Variants in PTPRN2 observed in about 807,000 individuals in gnomAD.
PTPRN2 encodes receptor-type tyrosine-protein phosphatase N2.
Under a neutral mutation model 118.8 loss-of-function variants are expected in PTPRN2, and 74 were observed. The ratio of observed to expected loss-of-function variants is 0.62; its 90% CI spans 0.52 to 0.76. The LOEUF (loss-of-function observed/expected upper bound fraction) is 0.76. Among genes scored for constraint, PTPRN2 ranks in the 30% least tolerant of loss-of-function variants. The probability of loss-of-function intolerance (pLI) is 0.00; values close to 1 mark genes in which losing one functional copy is unlikely to be tolerated. For missense variants in PTPRN2, 1,481 were observed against 1,394.4 expected, an observed-to-expected ratio of 1.06 and a Z score of -0.99; for synonymous variants, 641 against 608.0, an observed-to-expected ratio of 1.05 and a Z score of -0.80.
At chr7:158,550,163 T>C (rs73729702) in intron 1 of PTPRN2, among the ~76,000 whole-genome samples, 7,260 of 152,198 alleles carry the variant, frequency 0.048, 557 homozygotes, top group African/African-American at 0.16. Flanking sequence ...GGGTGGAGAT[T>C]GACTCCTCGA....
chr7:157,748,415 T>G (rs1387992979), intron 12 of PTPRN2, among the ~76,000 whole-genome samples: 359 of 47,294 alleles, frequency 7.6e-3, no homozygotes, highest in Middle Eastern at 0.016. Flanking sequence ...GCTGCGGGGT[T>G]TCTCGGTAAT....
chr7:157,805,867 C>T (rs1182150580), intron 12 of PTPRN2, among the ~76,000 whole-genome samples: 3 of 152,302 alleles, frequency 2.0e-5, no homozygotes, highest in South Asian at 2.1e-4. Context: ...AGGAGGGACC[C>T]GAGTGCTTGG....
intron 2 of PTPRN2, among the ~76,000 whole-genome samples, chr7:158,386,737 C>CA (rs1157432585): frequency 6.6e-6 from 1 of 152,222 alleles, no homozygotes; most frequent in African/African-American, 2.4e-5. Flanking sequence ...GTTCAGGCAA[C>CA]AAAAAACAGA....
At chr7:157,575,361 G>A (rs182532314) in intron 19 of PTPRN2, among the ~76,000 whole-genome samples, 17 of 152,304 alleles carry the variant, frequency 1.1e-4, no homozygotes, top group Admixed American at 3.3e-4. Flanking sequence ...GGAAGGAGCC[G>A]TGTACAGTAG....
chr7:158,387,537 G>T (rs943652551), intron 2 of PTPRN2, among the ~76,000 whole-genome samples: 1 of 152,300 alleles, frequency 6.6e-6, no homozygotes, highest in Non-Finnish European at 1.5e-5. Flanking sequence ...GGGTCCTGGG[G>T]GGACTGGACT....
chr7:157,971,841 C>A (rs1802357783), intron 11 of PTPRN2, among the ~76,000 whole-genome samples: 1 of 152,150 alleles, frequency 6.6e-6, no homozygotes, highest in Non-Finnish European at 1.5e-5. Flanking sequence ...ACTGAGAAAC[C>A]TTCTTCTGTA....
chr7:157,955,860 T>C (rs1801153356), intron 11 of PTPRN2, among the ~76,000 whole-genome samples: 1 of 152,160 alleles, frequency 6.6e-6, no homozygotes. Flanking sequence ...GAGTCTCAAA[T>C]AGTGCATCTG....
chr7:158,547,528 C>T (rs1170876525), intron 1 of PTPRN2, among the ~76,000 whole-genome samples: 5 of 152,190 alleles, frequency 3.3e-5, no homozygotes, highest in South Asian at 2.1e-4. Flanking sequence ...GTTCTCAAGG[C>T]GCACCCATGC....
Position 158,329,095 on chromosome 7 carries a change from G to A in PTPRN2, c.164-12163C>T, listed in dbSNP as rs75599404. ...TGAGGCCTGGGATGGCAAATCCAGCGGCGCACAGCCCACTGCACCGAGGGA... is the reference window on the plus strand; with the variant it reads ...TGAGGCCTGGGATGGCAAATCCAGCAGCGCACAGCCCACTGCACCGAGGGA... On this transcript the variant is annotated intron_variant, in intron 2 of 22. Coordinates refer to ENST00000389418, the MANE Select transcript of PTPRN2 (RefSeq NM_002847.5). 3.3e-3 allele frequency among the ~76,000 whole-genome samples: 507 copies of A among 152,270 alleles called. 5 individuals are homozygous for A. The highest frequency in any genetic ancestry group is 0.01 in the African/African-American group (428 of 41,536).
rs1826942198 is a variant in PTPRN2 at position 158,555,788 on chromosome 7, G to A, written c.112+31770C>T. ...CTGCCTAGCAGGCCATCTACATGGG[G>A]CAGACCACAGAGACAGGCTCCAGCA... On this transcript the variant is annotated intron_variant, in intron 1 of 22. Transcript: ENST00000389418. The surrounding 1 kb of genome is among the most constrained non-coding windows in gnomAD (Gnocchi z 4.7). Among the ~76,000 whole-genome samples the A allele has an allele frequency of 6.6e-6, 1 of 152,118 alleles. No homozygotes were observed.
At chr7:157,750,820 C>T in intron 12 of PTPRN2, among the ~76,000 whole-genome samples, 1 of 152,230 alleles carries the variant, frequency 6.6e-6, no homozygotes, top group Admixed American at 6.5e-5. Context: ...GTAAAGCCCG[C>T]CTGAGATGGC....
chr7:157,661,275 A>G (rs929427030), intron 13 of PTPRN2, among the ~76,000 whole-genome samples: 1 of 152,280 alleles, frequency 6.6e-6, no homozygotes, highest in Admixed American at 6.5e-5. Context: ...ATAAAGATCC[A>G]AGAAAAATGT....
In PTPRN2 at chr7:157,874,404, C is replaced by T. The variant is rs1584926720; in HGVS notation, c.1788+24269G>A. Among the ~76,000 whole-genome samples the T allele has an allele frequency of 6.6e-6, 1 of 152,310 alleles. No homozygotes were observed. Among genetic ancestry groups the T allele is most frequent in the East Asian group, 1.9e-4 (1 of 5,182 alleles). On this transcript the variant is annotated intron_variant, in intron 12 of 22. Coordinates refer to ENST00000389418, the MANE Select transcript of PTPRN2 (RefSeq NM_002847.5). The surrounding 1 kb of genome is among the most constrained non-coding windows in gnomAD (Gnocchi z 5.8). The stretch of plus-strand genomic sequence containing the variant: ...GCTCCTGCTTTCTGCCCCCTCCTGT[C>T]CCCTCTCTCCTGCCCTGCCCCGATC...
intron 5 of PTPRN2, among the ~76,000 whole-genome samples, chr7:158,189,271 C>T (rs182584664): frequency 2.8e-4 from 42 of 152,352 alleles, no homozygotes; most frequent in African/African-American, 8.2e-4. Flanking sequence ...ATCCATGCTG[C>T]GCCTTGTCCC....
chr7:158,416,275 A>C (rs1232497669), intron 2 of PTPRN2, among the ~76,000 whole-genome samples: 1 of 152,236 alleles, frequency 6.6e-6, no homozygotes, highest in Non-Finnish European at 1.5e-5. Flanking sequence ...ATCTGATTGC[A>C]TCCGACTGTC....
intron 12 of PTPRN2, among the ~76,000 whole-genome samples, chr7:157,790,926 A>G (rs1474443378): frequency 2.6e-5 from 4 of 152,246 alleles, no homozygotes; most frequent in African/African-American, 9.6e-5. Context: ...ATCAAAAGTT[A>G]ACACCATCAC....
chr7:157,891,797 C>T (rs915211024), intron 12 of PTPRN2, among the ~76,000 whole-genome samples: 16 of 152,172 alleles, frequency 1.1e-4, no homozygotes, highest in African/African-American at 3.9e-4. Flanking sequence ...GATTCACACC[C>T]AACTGCCTTG....
At chr7:158,501,729 C>G (rs1822376254) in intron 1 of PTPRN2, among the ~76,000 whole-genome samples, 1 of 152,182 alleles carries the variant, frequency 6.6e-6, no homozygotes, top group Non-Finnish European at 1.5e-5. Flanking sequence ...GAAAAGTCAC[C>G]AAGGAGGCCA....
At chr7:157,824,037 CAT>C (rs1366606028) in intron 12 of PTPRN2, among the ~76,000 whole-genome samples, 3 of 152,324 alleles carry the variant, frequency 2.0e-5, no homozygotes, top group Non-Finnish European at 4.4e-5. Context: ...TTCAAGCCCT[CAT>C]AGAGAACTGA....
Sources: gnomAD v4.1 joint callset for allele counts (sites outside exome capture counted in the v4.1 genomes callset) on GRCh38, gnomAD v4.1.1 for gene constraint, Gnocchi (gnomAD v3.1) non-coding constraint, MANE v1.5 for transcripts, NCBI Gene and HGNC (gene_info 2026-07-23, HGNC 2026-07-21) for gene names.